The following DDX42 variants were observed in gnomAD, a reference collection of about 807,000 sequenced individuals.
DDX42 encodes the protein ATP-dependent RNA helicase DDX42.
A neutral mutation model predicts 101.5 loss-of-function variants in DDX42; 22 were observed. The observed-to-expected ratio is 0.22, with a 90% CI of 0.15 to 0.31. The LOEUF (loss-of-function observed/expected upper bound fraction) is 0.31. DDX42 is among the 10% of genes least tolerant of loss of function. DDX42 has a pLI of 1.00. For missense variants in DDX42, 849 were observed against 1,199.9 expected (o/e 0.71, Z 4.32); for synonymous variants, 402 against 401.2 (o/e 1.00, Z -0.02).
intron 2 of DDX42, 135 bp from the exon 3 acceptor site, chr17:63,792,277 C>T (rs1258683321): frequency 2.2e-6 from 2 of 892,072 alleles, no homozygotes; most frequent in Admixed American, 6.1e-5. Context: ...TTAGCCAAAG[C>T]CTTGGAGGTC....
intron 3 of DDX42, among the ~76,000 whole-genome samples, chr17:63,793,361 G>A (rs2039651817): frequency 6.6e-6 from 1 of 151,646 alleles, no homozygotes; most frequent in Admixed American, 6.6e-5. Context: ...TCAAACTCCT[G>A]GGCTCAAATG....
chr17:63,789,245 A>G (rs2039589248), intron 2 of DDX42, among the ~76,000 whole-genome samples: 1 of 151,722 alleles, frequency 6.6e-6, no homozygotes, highest in Non-Finnish European at 1.5e-5. Flanking sequence ...CACCCAGCTG[A>G]TTTTTGTATT....
At chr17:63,777,054 G>T (rs1012195009) in intron 1 of DDX42, among the ~76,000 whole-genome samples, 1 of 152,044 alleles carries the variant, frequency 6.6e-6, no homozygotes, top group Non-Finnish European at 1.5e-5. Flanking sequence ...CTACAGGCGT[G>T]TGCCACCATG....
intron 13 of DDX42, chr17:63,811,494 G>C: frequency 2.8e-6 from 1 of 361,704 alleles, no homozygotes; most frequent in East Asian, 5.2e-5. Flanking sequence ...AAGCATCAGC[G>C]TATTAGGTTG....
rs1161605776 is a variant in DDX42 at position 63,792,444 on chromosome 17, A to G, written c.254A>G (p.Asn85Ser). Residue 85 changes from asparagine (N) to serine (S), a missense_variant, in exon 3 of 18, where the codon AAC becomes AGC. Transcript: ENST00000389924. ...GAAGATGAGGAAGAAGATTCTAGCA[A>G]CGTTGATTTACCTTACATTCCTGCT... Reference protein sequence around the residue: ...YFEDEEEDSSNVDLPYIPAEN... With the variant: ...YFEDEEEDSSSVDLPYIPAEN... 2 of 1,613,028 alleles carry G rather than the reference A, an allele frequency of 1.2e-6. No individual in the cohort carries two copies. The highest frequency in any genetic ancestry group is 1.7e-6 in the Non-Finnish European group (2 of 1,179,646).
chr17:63,813,092 C>T (rs2039932484), intron 14 of DDX42, 136 bp from the exon 15 acceptor site: 1 of 716,762 alleles, frequency 1.4e-6, no homozygotes, highest in Non-Finnish European at 2.3e-6. Flanking sequence ...CTTAACATGC[C>T]TGTATCTCAG....
In DDX42 at chr17:63,806,537, C is replaced by T. The variant is rs368446599; in HGVS notation, c.729C>T (p.Val243=). The change falls in exon 8 of 18, where the codon GTC becomes GTT. Residue 243 remains valine (V), a splice_region_variant and synonymous_variant. Transcript: ENST00000389924. ...TGGGGAGTTGTCTCTATCTCTAGGT[C>T]TCTGGTGCTGCACCTCCTAGACCAG... ...IDLRHKLNLR[V]SGAAPPRPGS... The T allele has an allele frequency of 1.2e-6, 2 of 1,610,942 alleles. No individual in the cohort carries two copies. The highest frequency in any genetic ancestry group is 2.2e-5 in the East Asian group (1 of 44,640).
chr17:63,794,264 C>G (rs1598330379), intron 3 of DDX42, among the ~76,000 whole-genome samples: 1 of 152,088 alleles, frequency 6.6e-6, no homozygotes, highest in African/African-American at 2.4e-5. Flanking sequence ...CTTTAGATGG[C>G]TGGACATGGT....
intron 14 of DDX42, 99 bp from the exon 15 acceptor site, chr17:63,813,129 G>A: frequency 8.7e-7 from 1 of 1,149,416 alleles, no homozygotes; most frequent in Non-Finnish European, 1.2e-6. Flanking sequence ...GCTTTGCCTA[G>A]ATAAAGGAAA....
In DDX42 at chr17:63,785,843, T is replaced by TA. The variant is rs570346862; in HGVS notation, c.-16-1190dup. 3.8e-4 allele frequency among the ~76,000 whole-genome samples: 58 copies of TA among 152,322 alleles called. 1 individual carries two copies. Among genetic ancestry groups the TA allele is most frequent in the African/African-American group, 1.3e-3 (54 of 41,586 alleles). On this transcript the variant is annotated intron_variant, in intron 1 of 17. Coordinates refer to ENST00000389924, the MANE Select transcript of DDX42 (RefSeq NM_203499.3). The stretch of plus-strand genomic sequence containing the variant: ...TTTCCTGCAGACATGAATACATAGA[T>TA]ACTGTCTACAAACAACTGATCTTTT...
intron 1 of DDX42, among the ~76,000 whole-genome samples, chr17:63,786,498 CAG>C (rs1208154535): frequency 6.6e-6 from 1 of 152,182 alleles, no homozygotes; most frequent in African/African-American, 2.4e-5. Flanking sequence ...GATCATAGCT[CAG>C]TGTAATCTGG....
At chr17:63,811,856 A>AG (rs397724332) in intron 13 of DDX42, 76 bp from the exon 14 acceptor site, 2 of 1,592,866 alleles carry the variant, frequency 1.3e-6, no homozygotes, top group African/African-American at 2.7e-5. Flanking sequence ...GCAGGTAGAA[A>AG]TATAATGCCT....
chr17:63,791,287 A>C (rs563880972), intron 2 of DDX42, among the ~76,000 whole-genome samples: 1 of 152,212 alleles, frequency 6.6e-6, no homozygotes, highest in Admixed American at 6.5e-5. Flanking sequence ...ATCTTAAATT[A>C]TTTTGGATTG....
At chr17:63,810,417 A>C in intron 11 of DDX42, 96 bp from the exon 12 acceptor site, 1 of 1,329,302 alleles carries the variant, frequency 7.5e-7, no homozygotes, top group South Asian at 1.3e-5. Flanking sequence ...CTTAATTCTT[A>C]CAACTTCTTA....
Position 63,803,958 on chromosome 17 carries a change from A to C in DDX42, c.622-1113A>C, listed in dbSNP as rs193163710. Among the ~76,000 whole-genome samples, 82 of 152,280 alleles carry C rather than the reference A, an allele frequency of 5.4e-4. 1 individual carries two copies. Among genetic ancestry groups the C allele is most frequent in the Middle Eastern group, 3.4e-3 (1 of 294 alleles). On this transcript the variant is annotated intron_variant, in intron 6 of 17. Transcript: ENST00000389924. Reference sequence around the variant, plus strand: ...AGCCACTGCTCCAGGCCTGGAGGCAAGAATTTCTTATAGGCTTAAATAAAA... The same window carrying C: ...AGCCACTGCTCCAGGCCTGGAGGCACGAATTTCTTATAGGCTTAAATAAAA...
chr17:63,782,787 A>G lies in DDX42; in HGVS notation c.-16-4247A>G, dbSNP rs538659946. On this transcript the variant is annotated intron_variant, in intron 1 of 17. Coordinates refer to ENST00000389924, the MANE Select transcript of DDX42 (RefSeq NM_203499.3). ...TGAGTATCTCTCATTCTGTCTTTCA[A>G]AAACACTGATCTGAAAATTTCCCTT... is the stretch of plus-strand genomic sequence containing the variant. Among the ~76,000 whole-genome samples the G allele has an allele frequency of 3.3e-5, 5 of 152,292 alleles. No homozygotes were observed. The East Asian group carries it at 5.8e-4, about 18-fold the overall frequency.
intron 1 of DDX42, among the ~76,000 whole-genome samples, chr17:63,784,981 TGAA>T (rs1213654979): frequency 6.6e-6 from 1 of 152,176 alleles, no homozygotes; most frequent in Non-Finnish European, 1.5e-5. Context: ...TATCATTAGG[TGAA>T]GAAATCACTA....
intron 6 of DDX42, among the ~76,000 whole-genome samples, chr17:63,800,898 T>TCTTTCTTTCTTTTCTTTCCTTCCTTC (rs72083325): frequency 1.4e-5 from 2 of 140,596 alleles, no homozygotes; most frequent in Admixed American, 7.2e-5. Flanking sequence ...TCTTTCTTTC[T>TCTTTCTTTCTTTTCTTTCCTTCCTTC]CTTTCTTTCT....
rs151288721 is a variant in DDX42 at position 63,808,464 on chromosome 17, G to A, written c.1024-356G>A. On this transcript the variant is annotated intron_variant, in intron 9 of 17. Coordinates refer to ENST00000389924, the MANE Select transcript of DDX42 (RefSeq NM_203499.3). ...GCTGGGATTACAGGTGTGAGCCACTGTGCCCGGCCAGAACTACTTTTTTTA... is the reference window on the plus strand; with the variant it reads ...GCTGGGATTACAGGTGTGAGCCACTATGCCCGGCCAGAACTACTTTTTTTA... Among the ~76,000 whole-genome samples, 383 of 152,260 alleles carry A rather than the reference G, an allele frequency of 2.5e-3. 1 individual carries two copies. The highest frequency in any genetic ancestry group is 3.7e-3 in the Non-Finnish European group (251 of 68,032).
Sources: allele counts gnomAD v4.1 joint callset (sites outside exome capture counted in the v4.1 genomes callset), GRCh38; gene constraint gnomAD v4.1.1; transcripts MANE v1.5; gene names NCBI Gene and HGNC (gene_info 2026-07-23, HGNC 2026-07-21).